NAA15: variants seen among roughly 807,000 people sequenced by gnomAD.
The protein encoded by NAA15 is N-alpha-acetyltransferase 15, NatA auxiliary subunit, also known as N-terminal acetyltransferase.
A neutral mutation model predicts 114.0 loss-of-function variants in NAA15; 34 were observed. The observed-to-expected ratio is 0.30, with a 90% confidence interval of 0.23 to 0.40. The LOEUF (loss-of-function observed/expected upper bound fraction) is 0.40, where lower values mean the gene tolerates loss of function less well. Ranked by LOEUF, NAA15 falls within the 10% of genes least tolerant of loss-of-function variation. The pLI, the probability that NAA15 is intolerant of heterozygous loss-of-function variation, is 1.00. For missense variants in NAA15, 658 were observed against 1,004.5 expected (o/e 0.66, Z 4.66); for synonymous variants, 340 against 338.0 (o/e 1.01, Z -0.06).
At chr4:139,375,638 T>C (rs1748560923) in intron 15 of NAA15, among the ~76,000 whole-genome samples, 1 of 152,138 alleles carries the variant, frequency 6.6e-6, no homozygotes, top group Non-Finnish European at 1.5e-5. Context: ...TCCAGATGTT[T>C]AGTGCCCTTC....
At chr4:139,346,493 G>A (rs941910268) in intron 6 of NAA15, among the ~76,000 whole-genome samples, 1 of 151,966 alleles carries the variant, frequency 6.6e-6, no homozygotes, top group Non-Finnish European at 1.5e-5. Flanking sequence ...AAGATAAGAT[G>A]GTCAAGATCA....
chr4:139,360,446 T>C, intron 12 of NAA15, 54 bp from the exon 13 acceptor site: 1 of 1,415,922 alleles, frequency 7.1e-7, no homozygotes, highest in Non-Finnish European at 9.3e-7. Context: ...AATTCTGTGG[T>C]AGAATGATGT....
In NAA15 at chr4:139,301,846, C is replaced by G. The variant is rs569978566; in HGVS notation, c.54+15C>G. 1.9e-6 allele frequency: 3 copies of G among 1,583,854 alleles called. No individual in the cohort carries two copies. The highest frequency in any genetic ancestry group is 2.6e-6 in the Non-Finnish European group (3 of 1,163,902). On this transcript the variant is annotated intron_variant, in intron 1 of 19. Coordinates refer to ENST00000296543, the MANE Select transcript of NAA15 (RefSeq NM_057175.5). ...AGCGGATCTTGGTAAGTGTGAGGCT[C>G]CGGGCAAGCGGTGGGGAGGATTTAG...
At chr4:139,379,341 A>G (rs901873739) in intron 17 of NAA15, 1 of 152,296 alleles carries the variant, frequency 6.6e-6, no homozygotes, top group Non-Finnish European at 1.5e-5. Context: ...TCAGTTTTAT[A>G]TTAGTTTTAA....
At position 139,301,670 on chromosome 4, in the gene NAA15, G is replaced by A. The variant is rs1191313890; in HGVS notation, c.-108G>A. ...CACCCGAGGCCTGGTGGTGGCGGCG[G>A]ATCGAGATATTCAAGGCTGAAGCAG... On this transcript the variant is annotated 5_prime_UTR_variant, in exon 1 of 20. Coordinates refer to ENST00000296543, the MANE Select transcript of NAA15 (RefSeq NM_057175.5). 7.6e-7 allele frequency: 1 copy of A among 1,310,474 alleles called. No individual in the cohort carries two copies. Among genetic ancestry groups the A allele is most frequent in the Non-Finnish European group, 1.1e-6 (1 of 952,376 alleles). 81.2% of individuals were successfully genotyped at this position (1,310,474 alleles called of 1,614,324 possible).
chr4:139,351,505 G>C lies in NAA15; in HGVS notation c.908G>C (p.Gly303Ala). 1.3e-6 allele frequency: 2 copies of C among 1,564,970 alleles called. No individual in the cohort carries two copies. Among genetic ancestry groups the C allele is most frequent in the African/African-American group, 1.4e-5 (1 of 73,964 alleles). Residue 303 changes from glycine (G) to alanine (A), a missense_variant and splice_region_variant, in exon 9 of 20, where the codon GGT (glycine) becomes GCT (alanine). By Grantham distance (60) the Gly-to-Ala change is moderately conservative. Transcript: ENST00000296543. The part of the protein sequence containing the change: ...PRRLPLNFLS[G>A]EKFKECLDKF... ...GCGAAAAGGATTTTTCTCTTCCAAGGTGAGAAGTTTAAAGAATGTTTGGAT... is the reference window on the plus strand; with the variant it reads ...GCGAAAAGGATTTTTCTCTTCCAAGCTGAGAAGTTTAAAGAATGTTTGGAT...
chr4:139,360,720 A>T, intron 13 of NAA15, 92 bp downstream of exon 13: 3 of 1,144,866 alleles, frequency 2.6e-6, no homozygotes, highest in Non-Finnish European at 3.5e-6. Context: ...TTTCTTTATA[A>T]TTCATAGTAG....
intron 6 of NAA15, among the ~76,000 whole-genome samples, chr4:139,345,381 A>G (rs1423600125): frequency 6.6e-6 from 1 of 152,242 alleles, no homozygotes; most frequent in Non-Finnish European, 1.5e-5. Flanking sequence ...GCCACTAAAT[A>G]GCTCTGTGAA....
chr4:139,371,970 C>G (rs899597122), intron 15 of NAA15, among the ~76,000 whole-genome samples: 1 of 152,180 alleles, frequency 6.6e-6, no homozygotes, highest in Non-Finnish European at 1.5e-5. Flanking sequence ...GGCTGGAGTG[C>G]AGTGGCGCGA....
chr4:139,309,344 G>A (rs1746135667), intron 1 of NAA15, among the ~76,000 whole-genome samples: 2 of 142,572 alleles, frequency 1.4e-5, no homozygotes, highest in African/African-American at 2.6e-5. Flanking sequence ...GTGAAACTTC[G>A]TCTCAAAAAA....
intron 1 of NAA15, among the ~76,000 whole-genome samples, chr4:139,320,357 C>T (rs76134920): frequency 6.6e-6 from 1 of 152,096 alleles, no homozygotes; most frequent in Non-Finnish European, 1.5e-5. Flanking sequence ...AACGGAGTAT[C>T]TGTTAGTTCG....
intron 1 of NAA15, among the ~76,000 whole-genome samples, chr4:139,311,139 C>T (rs1473258609): frequency 6.6e-6 from 1 of 151,800 alleles, no homozygotes; most frequent in Non-Finnish European, 1.5e-5. Flanking sequence ...GGCTAGCAGT[C>T]AGTCCTTCTC....
At chr4:139,386,501 C>G (rs183891111) in intron 19 of NAA15, 388 of 252,436 alleles carry the variant, frequency 1.5e-3, no homozygotes, top group African/African-American at 7.1e-3. Flanking sequence ...CATTTCTGAG[C>G]AAGCAGTGGT....
intron 6 of NAA15, among the ~76,000 whole-genome samples, chr4:139,346,192 A>G (rs2110921904): frequency 6.6e-6 from 1 of 152,322 alleles, no homozygotes; most frequent in South Asian, 2.1e-4. Flanking sequence ...AAGAACATGA[A>G]TAGTTCACAT....
chr4:139,308,904 A>T (rs1265261946), intron 1 of NAA15, among the ~76,000 whole-genome samples: 17 of 151,780 alleles, frequency 1.1e-4, no homozygotes, highest in Admixed American at 1.1e-3. Flanking sequence ...GGCGTGAGCC[A>T]CCGCACCCTG....
At chr4:139,363,223 C>T (rs567388671) in intron 14 of NAA15, among the ~76,000 whole-genome samples, 2 of 152,328 alleles carry the variant, frequency 1.3e-5, no homozygotes, top group South Asian at 4.1e-4. Context: ...CCCTCCTTCT[C>T]TTCTTCAAAT....
intron 1 of NAA15, among the ~76,000 whole-genome samples, chr4:139,322,416 C>T (rs910827958): frequency 6.6e-6 from 1 of 152,210 alleles, no homozygotes; most frequent in South Asian, 2.1e-4. Context: ...GTAAATTGCC[C>T]AGTCTCAGGT....
chr4:139,378,718 C>T (rs750981345), intron 16 of NAA15, 38 bp from the exon 17 acceptor site: 2 of 1,364,124 alleles, frequency 1.5e-6, no homozygotes, highest in South Asian at 2.7e-5. Context: ...GGCCTCTTAT[C>T]CAATGATCAA....
chr4:139,349,230 A>G (rs1048252348), intron 6 of NAA15, among the ~76,000 whole-genome samples: 1 of 152,132 alleles, frequency 6.6e-6, no homozygotes, highest in Non-Finnish European at 1.5e-5. Context: ...GATTTTCTGA[A>G]TAAATTGAGG....
Sources: allele counts gnomAD v4.1 joint callset (sites outside exome capture counted in the v4.1 genomes callset), GRCh38; gene constraint gnomAD v4.1.1; transcripts MANE v1.5; gene names NCBI Gene and HGNC (gene_info 2026-07-23, HGNC 2026-07-21).